The following SNX13 variants were observed in gnomAD, a reference collection of about 807,000 sequenced individuals.
SNX13 encodes the protein sorting nexin 13.
A neutral mutation model predicts 133.6 loss-of-function variants in SNX13; 45 were observed. That is an observed-to-expected ratio of 0.34 (90% CI 0.27 to 0.43). The LOEUF is 0.43. SNX13 is among the 20% of genes least tolerant of loss of function. SNX13 has a pLI of 1.00. For synonymous variants in SNX13, 414 were observed against 373.9 expected, an observed-to-expected ratio of 1.11 and a Z score of -1.24; for missense variants, 1,032 against 1,145.1, an observed-to-expected ratio of 0.90 and a Z score of 1.43.
intron 20 of SNX13, among the ~76,000 whole-genome samples, chr7:17,805,254 T>TGTGTGCGCGCGCGC (rs537620797): frequency 5.3e-5 from 7 of 132,440 alleles, no homozygotes; most frequent in African/African-American, 1.9e-4. Context: ...TGTGTGTGCG[T>TGTGTGCGCGCGCGC]GCGCGCGCGC....
At chr7:17,836,942 G>T (rs530705598) in intron 13 of SNX13, among the ~76,000 whole-genome samples, 237 of 151,880 alleles carry the variant, frequency 1.6e-3, no homozygotes, top group African/African-American at 5.4e-3. Flanking sequence ...GGATATTTTT[G>T]CTTTTTCTGT....
chr7:17,801,539 T>C (rs1434004240), intron 22 of SNX13, 49 bp downstream of exon 22: 4 of 1,411,470 alleles, frequency 2.8e-6, no homozygotes, highest in Non-Finnish European at 2.9e-6. Flanking sequence ...TAAAAAGATA[T>C]GCCAAGTATG....
intron 20 of SNX13, among the ~76,000 whole-genome samples, chr7:17,810,035 C>T (rs111723423): frequency 6.6e-5 from 10 of 152,144 alleles, no homozygotes; most frequent in African/African-American, 2.2e-4. Flanking sequence ...CTAAAATCGA[C>T]ACCCTAACAT....
intron 19 of SNX13, among the ~76,000 whole-genome samples, 194 bp downstream of exon 19, chr7:17,815,988 A>C (rs1345216672): frequency 2.0e-5 from 3 of 152,242 alleles, no homozygotes; most frequent in Admixed American, 6.5e-5. Context: ...CTTCTAAGTT[A>C]ATCAATACAT....
chr7:17,936,527 G>A (rs943194773), intron 1 of SNX13, among the ~76,000 whole-genome samples: 2 of 152,152 alleles, frequency 1.3e-5, no homozygotes, highest in Non-Finnish European at 2.9e-5. Context: ...GTGACAACAC[G>A]TTGATAACTG....
chr7:17,847,877 T>G (rs1162784940), intron 11 of SNX13, among the ~76,000 whole-genome samples: 1 of 152,206 alleles, frequency 6.6e-6, no homozygotes, highest in African/African-American at 2.4e-5. Context: ...TTGATACACC[T>G]CTTCTTTCCC....
chr7:17,894,008 T>TA (rs1478811464), intron 2 of SNX13, among the ~76,000 whole-genome samples: 4 of 137,762 alleles, frequency 2.9e-5, no homozygotes, highest in African/African-American at 1.1e-4. Flanking sequence ...TTTTCAAACT[T>TA]AAAAAAAAAT....
At chr7:17,938,329 T>A (rs1442399058) in intron 1 of SNX13, among the ~76,000 whole-genome samples, 1 of 152,202 alleles carries the variant, frequency 6.6e-6, no homozygotes, top group Non-Finnish European at 1.5e-5. Flanking sequence ...AGCTCTCTAC[T>A]GAGAGTTAGG....
chr7:17,805,262 C>CGCGCGT (rs1167821868), intron 20 of SNX13, among the ~76,000 whole-genome samples: 1 of 115,946 alleles, frequency 8.6e-6, no homozygotes, highest in East Asian at 2.4e-4. Flanking sequence ...CGTGCGCGCG[C>CGCGCGT]GCGCATGCAT....
chr7:17,876,875 A>T (rs537377804), intron 5 of SNX13, among the ~76,000 whole-genome samples: 1 of 151,990 alleles, frequency 6.6e-6, no homozygotes, highest in Admixed American at 6.6e-5. Flanking sequence ...AATCGCACTA[A>T]AATTAATTCA....
intron 1 of SNX13, among the ~76,000 whole-genome samples, chr7:17,909,523 A>C (rs140727119): frequency 1.3e-5 from 2 of 152,352 alleles, no homozygotes; most frequent in African/African-American, 4.8e-5. Flanking sequence ...TGCAGCCATA[A>C]AAAGGAACAA....
At chr7:17,849,273 A>T (rs1005964316) in intron 11 of SNX13, among the ~76,000 whole-genome samples, 3 of 152,154 alleles carry the variant, frequency 2.0e-5, no homozygotes, top group Non-Finnish European at 4.4e-5. Flanking sequence ...ATACCCTGAA[A>T]TTATCCTTGA....
intron 12 of SNX13, among the ~76,000 whole-genome samples, chr7:17,840,751 A>T (rs1789774355): frequency 6.6e-6 from 1 of 152,128 alleles, no homozygotes; most frequent in Non-Finnish European, 1.5e-5. Flanking sequence ...AATATTAACT[A>T]CTTAAAATTC....
chr7:17,940,218 T>G (rs1165191871), intron 1 of SNX13, 66 bp downstream of exon 1: 1 of 1,549,718 alleles, frequency 6.5e-7, no homozygotes, highest in Non-Finnish European at 8.7e-7. Context: ...GATGATGTTC[T>G]CTGACGGGCT....
chr7:17,871,938 G>A (rs561980567), intron 8 of SNX13, among the ~76,000 whole-genome samples: 3 of 152,196 alleles, frequency 2.0e-5, no homozygotes, highest in African/African-American at 7.2e-5. Flanking sequence ...TTTACTAGAT[G>A]ATCATACCAC....
intron 9 of SNX13, among the ~76,000 whole-genome samples, chr7:17,852,790 G>A (rs1328697407): frequency 6.6e-6 from 1 of 152,190 alleles, no homozygotes; most frequent in South Asian, 2.1e-4. Context: ...GCAATAAAAT[G>A]AAATTGTCTA....
At chr7:17,909,688 A>G (rs1350494605) in intron 1 of SNX13, among the ~76,000 whole-genome samples, 1 of 151,576 alleles carries the variant, frequency 6.6e-6, no homozygotes, top group African/African-American at 2.4e-5. Flanking sequence ...CACAGATGGG[A>G]AAAATACACA....
At chr7:17,890,297 G>A in intron 5 of SNX13, 66 bp downstream of exon 5, 1 of 1,486,738 alleles carries the variant, frequency 6.7e-7, no homozygotes, top group South Asian at 1.3e-5. Flanking sequence ...CTTAAAAGTT[G>A]TTTTCCTTAC....
At chr7:17,873,397 C>A in intron 8 of SNX13, 131 bp downstream of exon 8, 2 of 438,812 alleles carry the variant, frequency 4.6e-6, no homozygotes, top group Non-Finnish European at 7.9e-6. Context: ...TTAAAGAAAA[C>A]TCACATAAAC....
Sources: gnomAD v4.1 joint callset for allele counts (sites outside exome capture counted in the v4.1 genomes callset) on GRCh38, gnomAD v4.1.1 for gene constraint, MANE v1.5 for transcripts, NCBI Gene and HGNC (gene_info 2026-07-23, HGNC 2026-07-21) for gene names.